SEPHS1: variants seen among roughly 807,000 people sequenced by gnomAD.
SEPHS1 encodes zincore component SEPHS1.
Under a neutral mutation model 39.2 loss-of-function variants are expected in SEPHS1, and 7 were observed. The ratio of observed to expected loss-of-function variants is 0.18; its 90% CI spans 0.10 to 0.34. The LOEUF (loss-of-function observed/expected upper bound fraction) is 0.34. Among genes scored for constraint, SEPHS1 ranks in the 10% least tolerant of loss-of-function variants. SEPHS1 has a pLI of 1.00. For synonymous variants in SEPHS1, 190 were observed against 195.5 expected (o/e 0.97, Z 0.23); for missense variants, 253 against 514.5 (o/e 0.49, Z 4.92).
chr10:13,341,230 C>A (rs969994233), intron 2 of SEPHS1, among the ~76,000 whole-genome samples: 1 of 152,008 alleles, frequency 6.6e-6, no homozygotes, highest in Non-Finnish European at 1.5e-5. Flanking sequence ...GAAAAACTAG[C>A]GTTTGAAATG....
chr10:13,341,035 T>A (rs1440696550), intron 2 of SEPHS1, among the ~76,000 whole-genome samples: 4 of 152,392 alleles, frequency 2.6e-5, no homozygotes, highest in South Asian at 2.1e-4. Context: ...AAATAGATTA[T>A]AATTAATTCC....
chr10:13,333,716 A>T, intron 5 of SEPHS1, 101 bp downstream of exon 5: 1 of 1,217,698 alleles, frequency 8.2e-7, no homozygotes, highest in Non-Finnish European at 1.2e-6. Flanking sequence ...CTGGGATCAT[A>T]TGTGTGAGCC....
chr10:13,348,224 C>A lies in SEPHS1; in HGVS notation c.-303G>T, dbSNP rs1225514822. 1.4e-5 allele frequency: 2 copies of A among 146,776 alleles called. No individual in the cohort carries two copies. Among genetic ancestry groups the A allele is most frequent in the South Asian group, 2.1e-4 (1 of 4,742 alleles). The allele number at this position is 146,776 out of a possible 1,614,324, so 9.1% of individuals were successfully genotyped here. On this transcript the variant is annotated 5_prime_UTR_variant, in exon 1 of 9. Transcript: ENST00000327347. ...GGCCGCCGCGCTCCCGCCGGCTGGGCGCGCGGGGGTCCTTTAAGGCCGGCC... is the reference window on the plus strand; with the variant it reads ...GGCCGCCGCGCTCCCGCCGGCTGGGAGCGCGGGGGTCCTTTAAGGCCGGCC...
chr10:13,340,186 C>T (rs1231561009), intron 2 of SEPHS1, among the ~76,000 whole-genome samples: 1 of 152,004 alleles, frequency 6.6e-6, no homozygotes, highest in South Asian at 2.1e-4. Flanking sequence ...GTCATGGAGG[C>T]ACCAGATCTT....
chr10:13,333,454 T>C (rs556817402), intron 5 of SEPHS1, among the ~76,000 whole-genome samples: 1 of 151,242 alleles, frequency 6.6e-6, no homozygotes, highest in East Asian at 2.0e-4. Context: ...TCTTTTTTTT[T>C]TTTGGAGACA....
intron 5 of SEPHS1, among the ~76,000 whole-genome samples, chr10:13,331,072 A>G (rs1316883242): frequency 3.3e-5 from 5 of 152,104 alleles, no homozygotes; most frequent in Non-Finnish European, 5.9e-5. Flanking sequence ...CCTATGAGTG[A>G]GAACATGCGG....
rs970063845 is a variant in SEPHS1 at position 13,323,701 on chromosome 10, G to C, written c.752-654C>G. ...CCTTGCTCAGTATCAAGGTACTCCC[G>C]CGAAAGGTGAATTGCGTGCAAGTTT... On this transcript the variant is annotated intron_variant, in intron 7 of 8. Transcript: ENST00000327347. Among the ~76,000 whole-genome samples the C allele has an allele frequency of 2.0e-5, 3 of 151,854 alleles. No homozygotes were observed. The South Asian group carries it at 6.2e-4, about 32-fold the overall frequency.
At chr10:13,343,883 G>A (rs554407898) in intron 2 of SEPHS1, among the ~76,000 whole-genome samples, 6 of 152,190 alleles carry the variant, frequency 3.9e-5, no homozygotes, top group East Asian at 1.9e-4. Context: ...GAAACTATGC[G>A]TCGAACACAA....
intron 7 of SEPHS1, among the ~76,000 whole-genome samples, chr10:13,326,124 C>G (rs1381308927): frequency 6.6e-6 from 1 of 152,044 alleles, no homozygotes; most frequent in African/African-American, 2.4e-5. Context: ...CTTGTTCCAG[C>G]ACCATTTGGT....
rs1832996759 is a variant in SEPHS1 at position 13,318,138 on chromosome 10, A to C, written c.*1004T>G. ...TTTAAGTTCGAGCTGCAATGTTGGC[A>C]ATGCAGGTTTTTAACACAGATCACA... On this transcript the variant is annotated 3_prime_UTR_variant, in exon 9 of 9. Coordinates refer to ENST00000327347, the MANE Select transcript of SEPHS1 (RefSeq NM_012247.5). 6.6e-6 allele frequency: 1 copy of C among 152,548 alleles called. No homozygotes were observed. Among genetic ancestry groups the C allele is most frequent in the Admixed American group, 6.5e-5 (1 of 15,272 alleles). 9.4% of individuals were successfully genotyped at this position (152,548 alleles called of 1,614,324 possible). A position where few individuals can be genotyped will look rare whatever the true frequency, so the allele number is the denominator to read the frequency against.
intron 7 of SEPHS1, among the ~76,000 whole-genome samples, chr10:13,324,642 G>A (rs1029120008): frequency 6.6e-6 from 1 of 152,082 alleles, no homozygotes; most frequent in Admixed American, 6.6e-5. Context: ...ACAGGGTCTC[G>A]CTTTGTCACC....
At chr10:13,347,619 G>C (rs1302952194) in intron 1 of SEPHS1, among the ~76,000 whole-genome samples, 1 of 147,070 alleles carries the variant, frequency 6.8e-6, no homozygotes, top group Admixed American at 6.7e-5. Context: ...GGAGGCCCCG[G>C]AGGCACCCCG....
chr10:13,337,082 T>C (rs1242096465), intron 3 of SEPHS1, among the ~76,000 whole-genome samples: 1 of 151,780 alleles, frequency 6.6e-6, no homozygotes, highest in African/African-American at 2.4e-5. Flanking sequence ...ACCTGGGAGG[T>C]GGAGGTTGCA....
chr10:13,328,195 A>G (rs1833360578), intron 7 of SEPHS1, among the ~76,000 whole-genome samples, 156 bp downstream of exon 7: 1 of 152,196 alleles, frequency 6.6e-6, no homozygotes, highest in Admixed American at 6.6e-5. Flanking sequence ...ATCTGCAGTG[A>G]TCTATGGAAT....
chr10:13,330,282 G>C (rs1833425536), intron 5 of SEPHS1, among the ~76,000 whole-genome samples: 1 of 152,090 alleles, frequency 6.6e-6, no homozygotes, highest in African/African-American at 2.4e-5. Flanking sequence ...TGATATGCTA[G>C]AGACTCAGGA....
intron 2 of SEPHS1, among the ~76,000 whole-genome samples, chr10:13,340,149 T>A (rs1833745144): frequency 1.3e-5 from 2 of 152,110 alleles, no homozygotes; most frequent in East Asian, 3.8e-4. Flanking sequence ...CTCGGTCTCA[T>A]GACAGCAGCA....
intron 8 of SEPHS1, chr10:13,322,199 T>G (rs376292905): frequency 2.8e-6 from 1 of 355,528 alleles, no homozygotes; most frequent in Middle Eastern, 6.1e-4. Context: ...TGGAGTGCAG[T>G]GGCGCAATCT....
Position 13,319,049 on chromosome 10 carries a change from CA to C in SEPHS1, c.*92del. On this transcript the variant is annotated 3_prime_UTR_variant, in exon 9 of 9. Transcript: ENST00000327347. ...CTAAGGTCACCCCGATGTGTAGACA[CA>C]ATGAGATTTTTGTTGTTTATAGTCT... 1 of 1,271,688 alleles carries C rather than the reference CA, an allele frequency of 7.9e-7. No homozygotes were observed. The highest frequency in any genetic ancestry group is 1.3e-5 in the South Asian group (1 of 78,370). The allele number at this position is 1,271,688 out of a possible 1,614,324, so 78.8% of individuals were successfully genotyped here. A position where few individuals can be genotyped will look rare whatever the true frequency, so the allele number is the denominator to read the frequency against.
chr10:13,336,659 A>G (rs1833645035), intron 3 of SEPHS1, among the ~76,000 whole-genome samples: 1 of 152,206 alleles, frequency 6.6e-6, no homozygotes, highest in Admixed American at 6.5e-5. Flanking sequence ...GGGAAGGGGT[A>G]TATGTGCAGC....
Sources: allele counts gnomAD v4.1 joint callset (sites outside exome capture counted in the v4.1 genomes callset), GRCh38; gene constraint gnomAD v4.1.1; transcripts MANE v1.5; gene names NCBI Gene and HGNC (gene_info 2026-07-23, HGNC 2026-07-21).